Variants in KCNJ6 observed in about 807,000 individuals in gnomAD.
KCNJ6 encodes G protein-activated inward rectifier potassium channel 2.
A neutral mutation model predicts 34.2 loss-of-function variants in KCNJ6; 9 were observed. That is an observed-to-expected ratio of 0.26 (90% CI 0.16 to 0.46). The LOEUF (loss-of-function observed/expected upper bound fraction) is 0.46, where lower values mean the gene tolerates loss of function less well. Among genes scored for constraint, KCNJ6 ranks in the 20% least tolerant of loss-of-function variants. KCNJ6 has a pLI of 1.00. For missense variants in KCNJ6, 236 were observed against 531.3 expected (o/e 0.44, Z 5.46); for synonymous variants, 196 against 207.1 (o/e 0.95, Z 0.46).
chr21:37,655,179 TTGTGTGTGTGTGTGTGTG>T (rs369378573), intron 3 of KCNJ6, among the ~76,000 whole-genome samples: 3 of 23,992 alleles, frequency 1.3e-4, no homozygotes, highest in African/African-American at 1.7e-4. Flanking sequence ...CTCTAGACAT[TTGTGTGTGTGTGTGTGTG>T]TGTGTGTGTG....
intron 2 of KCNJ6, among the ~76,000 whole-genome samples, chr21:37,811,915 T>A (rs2055324702): frequency 6.6e-6 from 1 of 152,126 alleles, no homozygotes; most frequent in Non-Finnish European, 1.5e-5. Context: ...GACATAACAT[T>A]GGAAAAACAT....
At chr21:37,647,830 G>A (rs113659543) in intron 3 of KCNJ6, among the ~76,000 whole-genome samples, 110 of 152,294 alleles carry the variant, frequency 7.2e-4, no homozygotes, top group African/African-American at 2.6e-3. Context: ...GTGTGGCCCC[G>A]ACTTTGGGAA....
At chr21:37,694,896 A>G (rs2054657390) in intron 3 of KCNJ6, among the ~76,000 whole-genome samples, 1 of 152,160 alleles carries the variant, frequency 6.6e-6, no homozygotes, top group Admixed American at 6.5e-5. Flanking sequence ...AGGCCCCGTG[A>G]AGATAGAGTG....
At chr21:37,680,646 C>T (rs1251015202) in intron 3 of KCNJ6, among the ~76,000 whole-genome samples, 2 of 152,168 alleles carry the variant, frequency 1.3e-5, no homozygotes, top group Non-Finnish European at 2.9e-5. Flanking sequence ...GCTCCCTTTG[C>T]CTGACTGTAC....
chr21:37,915,714 G>A (rs1395068047), intron 1 of KCNJ6, among the ~76,000 whole-genome samples, 170 bp downstream of exon 1: 1 of 152,234 alleles, frequency 6.6e-6, no homozygotes, highest in East Asian at 1.9e-4. Context: ...TATGTAACCG[G>A]CTTCTCCCTC....
chr21:37,881,064 C>T (rs752287439), intron 1 of KCNJ6, among the ~76,000 whole-genome samples: 8 of 152,138 alleles, frequency 5.3e-5, no homozygotes, highest in Non-Finnish European at 7.4e-5. Flanking sequence ...CTGATGCAGA[C>T]GTGGAGAGTC....
chr21:37,860,313 G>A (rs907888119), intron 1 of KCNJ6, among the ~76,000 whole-genome samples: 3 of 152,152 alleles, frequency 2.0e-5, no homozygotes, highest in Admixed American at 2.0e-4. Context: ...ATGGGGCTCT[G>A]TGTTCTAAGC....
intron 1 of KCNJ6, among the ~76,000 whole-genome samples, chr21:37,853,145 TAA>T (rs796751868): frequency 3.6e-5 from 4 of 111,096 alleles, no homozygotes; most frequent in Admixed American, 9.1e-5. Context: ...TTTTTCAAAT[TAA>T]AAAAAAAAAA....
intron 1 of KCNJ6, among the ~76,000 whole-genome samples, chr21:37,863,854 TTTTTTG>T (rs772005016): frequency 7.6e-5 from 6 of 79,466 alleles, no homozygotes; most frequent in South Asian, 5.3e-4. Context: ...AGGTTTTTTT[TTTTTTG>T]TTTTTTTTTT....
intron 1 of KCNJ6, among the ~76,000 whole-genome samples, chr21:37,906,498 G>A (rs1190126756): frequency 6.6e-6 from 1 of 152,216 alleles, no homozygotes; most frequent in African/African-American, 2.4e-5. Flanking sequence ...TGGAGGGGAT[G>A]GGCAGATGAT....
chr21:37,672,145 CT>C (rs915716628), intron 3 of KCNJ6, among the ~76,000 whole-genome samples: 33 of 152,154 alleles, frequency 2.2e-4, no homozygotes, highest in Admixed American at 1.2e-3. Context: ...GTGATCCCTG[CT>C]TGGCTTAAGC....
chr21:37,700,014 A>G (rs1268969886), intron 3 of KCNJ6, among the ~76,000 whole-genome samples: 2 of 151,994 alleles, frequency 1.3e-5, no homozygotes, highest in Non-Finnish European at 2.9e-5. Context: ...GAAAGGCCAC[A>G]CCTTATTTTT....
chr21:37,720,897 C>T (rs1199100870), intron 2 of KCNJ6, among the ~76,000 whole-genome samples: 9 of 151,166 alleles, frequency 6.0e-5, no homozygotes, highest in Non-Finnish European at 8.9e-5. Flanking sequence ...TTAGTAGAGA[C>T]GGGGTTTCAC....
rs1237470606 is a variant in KCNJ6, at chr21:37,624,619, C to CA, written c.*539dup. 6.5e-6 allele frequency: 1 copy of CA among 153,254 alleles called. No homozygotes were observed. Among genetic ancestry groups the CA allele is most frequent in the African/African-American group, 2.4e-5 (1 of 41,412 alleles). 9.5% of individuals were successfully genotyped at this position (153,254 alleles called of 1,614,324 possible). On this transcript the variant is annotated 3_prime_UTR_variant, in exon 4 of 4. Coordinates refer to ENST00000609713, the MANE Select transcript of KCNJ6 (RefSeq NM_002240.5). Reference sequence around the variant, plus strand: ...ACTAATTACAAAAAGAAAATAATTACATAAGGCATATATATGTACAGTGGT... The same window carrying CA: ...ACTAATTACAAAAAGAAAATAATTACAATAAGGCATATATATGTACAGTGGT...
chr21:37,815,775 C>T (rs2123547818), intron 2 of KCNJ6, among the ~76,000 whole-genome samples: 1 of 152,304 alleles, frequency 6.6e-6, no homozygotes, highest in African/African-American at 2.4e-5. Context: ...CAGCTGTTTC[C>T]CTTTGGGAGG....
intron 3 of KCNJ6, among the ~76,000 whole-genome samples, chr21:37,655,648 G>A (rs888290292): frequency 2.0e-5 from 3 of 152,162 alleles, no homozygotes; most frequent in Admixed American, 1.3e-4. Flanking sequence ...CTTCAGTTAT[G>A]TTTCAGTTGG....
At position 37,651,396 on chromosome 21, in the gene KCNJ6, C is replaced by T. The variant is rs779789700; in HGVS notation, c.947-25912G>A. The stretch of plus-strand genomic sequence containing the variant: ...GAGTTTGGAGGAGATAGATAGGATC[C>T]TCCTCTCTGTGTTTTGAAAAGAGCC... On this transcript the variant is annotated intron_variant, in intron 3 of 3. Coordinates refer to ENST00000609713, the MANE Select transcript of KCNJ6 (RefSeq NM_002240.5). 6.6e-5 allele frequency among the ~76,000 whole-genome samples: 10 copies of T among 152,234 alleles called. No individual in the cohort carries two copies. In the East Asian group the frequency reaches 9.6e-4, roughly 15 times the overall value.
chr21:37,863,860 G>GTTTTTTTTTTTTTTTTT (rs56800970), intron 1 of KCNJ6, among the ~76,000 whole-genome samples: 1 of 81,076 alleles, frequency 1.2e-5, no homozygotes, highest in Non-Finnish European at 2.3e-5. Context: ...TTTTTTTTTT[G>GTTTTTTTTTTTTTTTTT]TTTTTTTTTT....
At chr21:37,774,344 G>A (rs574192423) in intron 2 of KCNJ6, among the ~76,000 whole-genome samples, 26 of 152,050 alleles carry the variant, frequency 1.7e-4, no homozygotes, top group Non-Finnish European at 1.3e-4. Context: ...TTTACCTTAG[G>A]GCTATTCTTT....
Sources: gnomAD v4.1 joint callset for allele counts (sites outside exome capture counted in the v4.1 genomes callset) on GRCh38, gnomAD v4.1.1 for gene constraint, MANE v1.5 for transcripts, NCBI Gene and HGNC (gene_info 2026-07-23, HGNC 2026-07-21) for gene names.